The following GNA14 variants were observed in gnomAD, a reference collection of about 807,000 sequenced individuals.
GNA14 encodes guanine nucleotide-binding protein subunit alpha-14.
GNA14 carries 50 observed loss-of-function variants against 42.0 expected under a neutral mutation model. That is an observed-to-expected ratio of 1.19 (90% CI 0.95 to 1.51). The LOEUF (loss-of-function observed/expected upper bound fraction) is 1.51, where lower values mean the gene tolerates loss of function less well. Ranked by LOEUF, GNA14 falls within the 40% of genes most tolerant of loss-of-function variation. The probability of loss-of-function intolerance (pLI) is 0.00; values close to 1 mark genes in which losing one functional copy is unlikely to be tolerated. For missense variants in GNA14, 473 were observed against 446.2 expected, an observed-to-expected ratio of 1.06 and a Z score of -0.54; for synonymous variants, 173 against 163.1, an observed-to-expected ratio of 1.06 and a Z score of -0.46.
At chr9:77,529,579 G>A (rs1191030705) in intron 1 of GNA14, among the ~76,000 whole-genome samples, 3 of 152,198 alleles carry the variant, frequency 2.0e-5, no homozygotes, top group Admixed American at 6.5e-5. Flanking sequence ...ATAGGGCTGC[G>A]TCAGGGTGCA....
In GNA14 at chr9:77,618,626, T is replaced by A. The variant is rs1174714974; in HGVS notation, c.124+29044A>T. On this transcript the variant is annotated intron_variant, in intron 1 of 6. Coordinates refer to ENST00000341700, the MANE Select transcript of GNA14 (RefSeq NM_004297.4). ...TATATATATATATATATATATTTTT[T>A]TTTTTTTTTTTTTTTTTTTTTTTTT... is the stretch of plus-strand genomic sequence containing the variant. Among the ~76,000 whole-genome samples the A allele has an allele frequency of 1.1e-3, 36 of 31,856 alleles. 1 individual carries two copies. Among genetic ancestry groups the A allele is most frequent in the African/African-American group, 4.4e-3 (28 of 6,436 alleles). The allele number at this position is 31,856 out of a possible 152,430, so 20.9% of individuals were successfully genotyped here. A position where few individuals can be genotyped will look rare whatever the true frequency, so the allele number is the denominator to read the frequency against.
intron 1 of GNA14, among the ~76,000 whole-genome samples, chr9:77,542,203 T>C (rs1047151163): frequency 6.6e-6 from 1 of 152,198 alleles, no homozygotes; most frequent in Non-Finnish European, 1.5e-5. Flanking sequence ...ATATAAGATA[T>C]GTACATCTAC....
At chr9:77,580,468 C>A in intron 1 of GNA14, 1 of 365,682 alleles carries the variant, frequency 2.7e-6, no homozygotes, top group Non-Finnish European at 5.6e-6. Flanking sequence ...GGACAATTAG[C>A]CCACACCAGA....
intron 1 of GNA14, among the ~76,000 whole-genome samples, chr9:77,611,287 C>T (rs1823726700): frequency 6.6e-6 from 1 of 152,178 alleles, no homozygotes; most frequent in Non-Finnish European, 1.5e-5. Flanking sequence ...TGAGTATCTA[C>T]ATATTTGCAT....
chr9:77,521,453 C>T (rs1837353269), intron 2 of GNA14, among the ~76,000 whole-genome samples: 1 of 152,218 alleles, frequency 6.6e-6, no homozygotes, highest in South Asian at 2.1e-4. Context: ...CTCCCAGCCC[C>T]GAAAAACTCT....
intron 1 of GNA14, among the ~76,000 whole-genome samples, chr9:77,532,730 C>T (rs1011779992): frequency 1.3e-5 from 2 of 152,170 alleles, no homozygotes; most frequent in African/African-American, 4.8e-5. Flanking sequence ...CAGTAGCATG[C>T]GTCCGCTCTG....
chr9:77,476,534 T>C (rs530022145), intron 2 of GNA14, among the ~76,000 whole-genome samples: 1 of 152,310 alleles, frequency 6.6e-6, no homozygotes, highest in South Asian at 2.1e-4. Context: ...AATTGAAGAT[T>C]ATCTGTGTCA....
chr9:77,480,167 G>T (rs1259468655), intron 2 of GNA14, among the ~76,000 whole-genome samples: 2 of 152,142 alleles, frequency 1.3e-5, no homozygotes, highest in African/African-American at 4.8e-5. Flanking sequence ...TGCCCATTCA[G>T]TATGATATTG....
At chr9:77,519,494 G>A (rs143928686) in intron 2 of GNA14, among the ~76,000 whole-genome samples, 16 of 152,202 alleles carry the variant, frequency 1.1e-4, no homozygotes, top group Non-Finnish European at 2.4e-4. Context: ...AATGTATTCC[G>A]TTTAAAACAC....
intron 1 of GNA14, among the ~76,000 whole-genome samples, chr9:77,545,249 A>G (rs1243688647): frequency 6.6e-6 from 1 of 151,726 alleles, no homozygotes; most frequent in African/African-American, 2.4e-5. Context: ...TTTAAAACAA[A>G]TGCTAGTTAA....
chr9:77,426,329 G>C (rs1835453367), intron 5 of GNA14, among the ~76,000 whole-genome samples: 2 of 151,944 alleles, frequency 1.3e-5, no homozygotes, highest in Admixed American at 1.3e-4. Flanking sequence ...TTCTGAGATG[G>C]AGTCTCGCTG....
intron 2 of GNA14, among the ~76,000 whole-genome samples, chr9:77,490,808 G>A (rs1035337183): frequency 3.3e-5 from 5 of 152,336 alleles, no homozygotes; most frequent in Admixed American, 1.3e-4. Flanking sequence ...TCTGGCCTTG[G>A]CCAGCCCAGA....
intron 2 of GNA14, among the ~76,000 whole-genome samples, chr9:77,491,915 A>G (rs1477722687): frequency 2.0e-5 from 3 of 152,222 alleles, no homozygotes; most frequent in African/African-American, 4.8e-5. Context: ...GTCTTAGGCT[A>G]TAAAACAACT....
At chr9:77,440,753 G>A (rs1018671013) in intron 2 of GNA14, among the ~76,000 whole-genome samples, 3 of 151,774 alleles carry the variant, frequency 2.0e-5, no homozygotes, top group Admixed American at 6.6e-5. Flanking sequence ...GTCTTGCTCT[G>A]TCCCCAGGCT....
chr9:77,433,511 C>A (rs1395380564), intron 3 of GNA14, among the ~76,000 whole-genome samples: 1 of 152,006 alleles, frequency 6.6e-6, no homozygotes, highest in Non-Finnish European at 1.5e-5. Flanking sequence ...CTCAGCCTCC[C>A]GAGCAGCTGC....
chr9:77,546,875 A>G (rs1322302974), intron 1 of GNA14, among the ~76,000 whole-genome samples: 1 of 152,126 alleles, frequency 6.6e-6, no homozygotes, highest in African/African-American at 2.4e-5. Flanking sequence ...CAGGATGACC[A>G]TATCTTCTGG....
intron 2 of GNA14, among the ~76,000 whole-genome samples, chr9:77,486,631 T>C (rs1836664901): frequency 6.6e-6 from 1 of 152,248 alleles, no homozygotes; most frequent in Non-Finnish European, 1.5e-5. Context: ...GTGTGACTCC[T>C]CTTTTCACTT....
chr9:77,445,225 A>C (rs189765859), intron 2 of GNA14, among the ~76,000 whole-genome samples: 1 of 152,262 alleles, frequency 6.6e-6, no homozygotes, highest in East Asian at 1.9e-4. Context: ...GGGGTACGAG[A>C]AAGGGACCAG....
At chr9:77,577,052 T>C (rs1470853189) in intron 1 of GNA14, among the ~76,000 whole-genome samples, 1 of 152,198 alleles carries the variant, frequency 6.6e-6, no homozygotes, top group Non-Finnish European at 1.5e-5. Context: ...AAACACCCTT[T>C]GAAACAGTTA....
Sources: gnomAD v4.1 joint callset for allele counts (sites outside exome capture counted in the v4.1 genomes callset) on GRCh38, gnomAD v4.1.1 for gene constraint, MANE v1.5 for transcripts, NCBI Gene and HGNC (gene_info 2026-07-23, HGNC 2026-07-21) for gene names.